Variants in PHF3 observed in about 807,000 individuals in gnomAD.
PHF3 encodes PHD finger protein 3.
In PHF3, 41 loss-of-function variants were observed where a neutral mutation model predicts 178.4. The ratio of observed to expected loss-of-function variants is 0.23; its 90% CI spans 0.18 to 0.30. PHF3 has a LOEUF of 0.30. PHF3 is among the 10% of genes least tolerant of loss of function. PHF3 has a pLI of 1.00. For synonymous variants in PHF3, 842 were observed against 800.5 expected (o/e 1.05, Z -0.88); for missense variants, 2,346 against 2,398.1 (o/e 0.98, Z 0.45).
chr6:63,700,632 G>A (rs1175236360), intron 9 of PHF3, among the ~76,000 whole-genome samples, 166 bp downstream of exon 9: 20 of 152,024 alleles, frequency 1.3e-4, no homozygotes, highest in Admixed American at 1.3e-3. Context: ...TCGCCAGGCT[G>A]GAGTGCAGCA....
rs1219899240 is a variant in PHF3, at chr6:63,653,698, AT to A, written c.244+6904del. Among the ~76,000 whole-genome samples, 6 of 152,142 alleles carry A rather than the reference AT, an allele frequency of 3.9e-5. No individual in the cohort carries two copies. In the East Asian group the frequency reaches 1.2e-3, roughly 29 times the overall value. On this transcript the variant is annotated intron_variant, in intron 2 of 15. Transcript: ENST00000262043. ...AGTACTGTGTCGAATGAAAATGGGC[AT>A]CCTTGTCTTGTTTCAGATGTTAGAG...
At chr6:63,641,269 T>C (rs1346336614) in intron 1 of PHF3, among the ~76,000 whole-genome samples, 1 of 152,152 alleles carries the variant, frequency 6.6e-6, no homozygotes, top group East Asian at 1.9e-4. Flanking sequence ...TCACTTGAGA[T>C]TTTGGTTCAA....
chr6:63,719,642 C>G lies in PHF3; in HGVS notation c.*5934C>G, dbSNP rs1014022398. Among the ~76,000 whole-genome samples, 2 of 152,060 alleles carry G rather than the reference C, an allele frequency of 1.3e-5. No individual in the cohort carries two copies. Among genetic ancestry groups the G allele is most frequent in the Non-Finnish European group, 2.9e-5 (2 of 67,956 alleles). On this transcript the variant is annotated 3_prime_UTR_variant, in exon 16 of 16. Coordinates refer to ENST00000262043, the MANE Select transcript of PHF3 (RefSeq NM_001370348.2). The stretch of plus-strand genomic sequence containing the variant: ...ATAATATTTTTTCAAGTTATGCTAT[C>G]AACAGTACTAAATTGTTAGGATAGT...
Position 63,712,608 on chromosome 6 carries a change from C to G in PHF3, c.5020C>G (p.Arg1674Gly), listed in dbSNP as rs147627550. 2 of 1,613,702 alleles carry G rather than the reference C, an allele frequency of 1.2e-6. No individual in the cohort carries two copies. Among genetic ancestry groups the G allele is most frequent in the African/African-American group, 2.7e-5 (2 of 74,936 alleles). Residue 1674 changes from arginine to glycine, a missense_variant, in exon 16 of 16, where the codon CGG becomes GGG. Around this residue, in one of 8 missense-constraint regions of PHF3, gnomAD observed 839 missense variants for 806.9 expected, o/e 1.04. Transcript: ENST00000262043. ...TSESKDGDSCRNGEKHMLPGL... is the reference protein window; with the variant it reads ...TSESKDGDSCGNGEKHMLPGL... ...AGAAAGCAAAGATGGAGATAGTTGC[C>G]GGAATGGAGAAAAACACATGCTGCC...
intron 6 of PHF3, 95 bp from the exon 7 acceptor site, chr6:63,698,128 T>C: frequency 1.1e-6 from 1 of 947,472 alleles, no homozygotes; most frequent in Non-Finnish European, 1.6e-6. Flanking sequence ...TTCTAAATAG[T>C]GACTTTTAAT....
chr6:63,648,502 C>G (rs1764882654), intron 2 of PHF3, among the ~76,000 whole-genome samples: 1 of 152,042 alleles, frequency 6.6e-6, no homozygotes, highest in Non-Finnish European at 1.5e-5. Flanking sequence ...AAAATTCCAC[C>G]CCTATAGTAA....
At chr6:63,636,236 C>T (rs1764324943) in intron 1 of PHF3, 86 bp downstream of exon 1, 4 of 315,968 alleles carry the variant, frequency 1.3e-5, no homozygotes, top group Admixed American at 5.0e-5. Context: ...CCTCCGCGGG[C>T]CTCTCCGCCC....
intron 2 of PHF3, among the ~76,000 whole-genome samples, chr6:63,673,081 A>G (rs1765989508): frequency 1.3e-5 from 2 of 150,218 alleles, no homozygotes; most frequent in Non-Finnish European, 1.5e-5. Context: ...TTTTCCTTCA[A>G]CACTGTCTTA....
In PHF3 at chr6:63,654,651, A is replaced by G. The variant is rs1765155956; in HGVS notation, c.244+7856A>G. ...TGCCATAGATATTTGGAAGTTTATC[A>G]TATTGATAAGAGATTTGACTTCTTT... is the stretch of plus-strand genomic sequence containing the variant. On this transcript the variant is annotated intron_variant, in intron 2 of 15. Transcript: ENST00000262043. Among the ~76,000 whole-genome samples the G allele has an allele frequency of 2.0e-5, 3 of 152,316 alleles. No individual in the cohort carries two copies. In the South Asian group the frequency reaches 6.2e-4, roughly 32 times the overall value.
rs2149615669 is a variant in PHF3 at position 63,714,038 on chromosome 6, A to T, written c.*330A>T. 5.3e-6 allele frequency: 1 copy of T among 188,068 alleles called. No individual in the cohort carries two copies. The highest frequency in any genetic ancestry group is 5.9e-5 in the Admixed American group (1 of 16,970). 11.6% of individuals were successfully genotyped at this position (188,068 alleles called of 1,614,324 possible). ...AATTGGTAAATATGGTTAACTATGG[A>T]ATATATTTACTTCCTCTAGTGAATG... is the stretch of plus-strand genomic sequence containing the variant. On this transcript the variant is annotated 3_prime_UTR_variant, in exon 16 of 16. Transcript: ENST00000262043.
intron 2 of PHF3, among the ~76,000 whole-genome samples, chr6:63,674,509 C>G (rs1485910137): frequency 6.6e-6 from 1 of 151,468 alleles, no homozygotes; most frequent in Non-Finnish European, 1.5e-5. Context: ...ACATACAACT[C>G]GATGTAGTGT....
chr6:63,693,937 C>T (rs953718270), intron 5 of PHF3, among the ~76,000 whole-genome samples: 2 of 152,182 alleles, frequency 1.3e-5, no homozygotes, highest in Non-Finnish European at 2.9e-5. Flanking sequence ...TGTCTAGTTG[C>T]AGACAAAAAC....
chr6:63,711,676 A>T lies in PHF3; in HGVS notation c.4088A>T (p.His1363Leu). 1 of 1,613,894 alleles carries T rather than the reference A, an allele frequency of 6.2e-7. No individual in the cohort carries two copies. Among genetic ancestry groups the T allele is most frequent in the Non-Finnish European group, 8.5e-7 (1 of 1,179,856 alleles). The part of the protein sequence containing the change: ...RQHSACASTS[H>L]IAETPESAPP... The stretch of plus-strand genomic sequence containing the variant: ...CACAGTGCCTGTGCTAGTACTAGTC[A>T]TATAGCTGAGACTCCTGAAAGTGCA... The change falls in exon 16 of 16, where the codon CAT becomes CTT. Residue 1363 changes from histidine (H) to leucine (L), a missense_variant. By Grantham distance (99) the His-to-Leu change is moderately conservative. Around this residue, in one of 8 missense-constraint regions of PHF3, gnomAD observed 839 missense variants for 806.9 expected, o/e 1.04. Transcript: ENST00000262043.
intron 2 of PHF3, chr6:63,678,691 C>A: frequency 3.6e-6 from 1 of 279,794 alleles, no homozygotes; most frequent in Non-Finnish European, 7.0e-6. Context: ...ATAATCCATT[C>A]TTTCCTCTCT....
chr6:63,689,307 G>T (rs1766890200), intron 4 of PHF3, among the ~76,000 whole-genome samples: 1 of 152,100 alleles, frequency 6.6e-6, no homozygotes, highest in Non-Finnish European at 1.5e-5. Flanking sequence ...TTCTCCAGAA[G>T]ATGCTTGAGT....
intron 2 of PHF3, 142 bp from the exon 3 acceptor site, chr6:63,679,858 A>G (rs1766348619): frequency 5.4e-6 from 4 of 739,596 alleles, no homozygotes; most frequent in Admixed American, 4.1e-5. Context: ...GCAATTTCAC[A>G]TGTTAGAAAA....
In PHF3 at chr6:63,706,842, A is replaced by G. The variant is rs1767714999; in HGVS notation, c.3677A>G (p.Tyr1226Cys). The change falls in exon 13 of 16, where the codon TAT becomes TGT. Residue 1226 changes from tyrosine (Y) to cysteine (C), a missense_variant. Physicochemically the swap from Tyr to Cys is radical, Grantham distance 194. Around this residue, in one of 8 missense-constraint regions of PHF3, gnomAD observed 205 missense variants for 212.4 expected, o/e 0.97. Transcript: ENST00000262043. ...GTGGCAAAATTTGTTACCAAAGCCT[A>G]TCCAGTATCTGGCTCCCCAGAATAC... is the stretch of plus-strand genomic sequence containing the variant. Reference protein sequence around the residue: ...PSVAKFVTKAYPVSGSPEYLT... With the variant: ...PSVAKFVTKACPVSGSPEYLT... The G allele has an allele frequency of 1.9e-6, 3 of 1,613,936 alleles. No homozygotes were observed. The highest frequency in any genetic ancestry group is 1.3e-5 in the African/African-American group (1 of 74,942).
Position 63,720,584 on chromosome 6 carries a change from T to C in PHF3, c.*6876T>C. On this transcript the variant is annotated 3_prime_UTR_variant, in exon 16 of 16. Coordinates refer to ENST00000262043, the MANE Select transcript of PHF3 (RefSeq NM_001370348.2). ...TTTATGTATAGTGTGTACTAAAATC[T>C]CTAGTGTTAACTTATGTAACCTCAT... is the stretch of plus-strand genomic sequence containing the variant. The C allele has an allele frequency of 6.9e-7, 1 of 1,448,418 alleles. No homozygotes were observed. Among genetic ancestry groups the C allele is most frequent in the Non-Finnish European group, 9.2e-7 (1 of 1,091,686 alleles). The allele number at this position is 1,448,418 out of a possible 1,614,324, so 89.7% of individuals were successfully genotyped here.
chr6:63,691,419 C>G (rs1196444808), intron 4 of PHF3, among the ~76,000 whole-genome samples: 3 of 151,996 alleles, frequency 2.0e-5, no homozygotes, highest in Admixed American at 2.0e-4. Flanking sequence ...TTAGTCTATA[C>G]TTTGTTATTG....
Sources: gnomAD v4.1 joint callset for allele counts (sites outside exome capture counted in the v4.1 genomes callset) on GRCh38, gnomAD v4.1.1 for gene constraint, gnomAD v4.1.1 regional missense constraint, MANE v1.5 for transcripts, NCBI Gene and HGNC (gene_info 2026-07-23, HGNC 2026-07-21) for gene names.